The following COL25A1 variants were observed in gnomAD, a reference collection of about 807,000 sequenced individuals.
The protein encoded by COL25A1 is collagen type XXV alpha 1 chain.
In COL25A1, 103 loss-of-function variants were observed where a neutral mutation model predicts 128.4. The ratio of observed to expected loss-of-function variants is 0.80; its 90% CI spans 0.68 to 0.94. COL25A1 has a LOEUF of 0.94. COL25A1 is among the 40% of genes least tolerant of loss of function. The pLI is 0.00. For synonymous variants in COL25A1, 279 were observed against 277.2 expected (o/e 1.01, Z -0.06); for missense variants, 745 against 840.0 (o/e 0.89, Z 1.40).
chr4:109,067,527 C>CA (rs1327531459), intron 3 of COL25A1, among the ~76,000 whole-genome samples: 1 of 152,112 alleles, frequency 6.6e-6, no homozygotes, highest in East Asian at 1.9e-4. Flanking sequence ...ATTTTGGTGC[C>CA]AGACAGGAAC....
intron 3 of COL25A1, among the ~76,000 whole-genome samples, chr4:109,272,323 T>C (rs1482126390): frequency 6.6e-6 from 1 of 152,220 alleles, no homozygotes; most frequent in African/African-American, 2.4e-5. Flanking sequence ...TTCATTGATG[T>C]GTGCCACACT....
At chr4:109,239,412 A>ATT (rs1560914754) in intron 3 of COL25A1, among the ~76,000 whole-genome samples, 1,893 of 134,806 alleles carry the variant, frequency 0.014, 47 homozygotes, top group African/African-American at 0.05. Flanking sequence ...ATATATATAT[A>ATT]TATATATATA....
chr4:108,975,400 G>C (rs1268459938), intron 6 of COL25A1, among the ~76,000 whole-genome samples: 1 of 152,222 alleles, frequency 6.6e-6, no homozygotes, highest in Non-Finnish European at 1.5e-5. Flanking sequence ...AGGTTGAGGT[G>C]AGCTGAGATT....
intron 11 of COL25A1, among the ~76,000 whole-genome samples, chr4:108,929,475 A>G (rs952792040): frequency 2.6e-5 from 4 of 152,166 alleles, no homozygotes; most frequent in African/African-American, 7.2e-5. Context: ...CATGAAAATC[A>G]TCCTTTTAGT....
At chr4:109,273,652 C>A (rs1374811333) in intron 3 of COL25A1, among the ~76,000 whole-genome samples, 1 of 152,056 alleles carries the variant, frequency 6.6e-6, no homozygotes, top group Admixed American at 6.6e-5. Flanking sequence ...TAAAGACCAC[C>A]TTTCTCAGTT....
chr4:108,892,532 C>A (rs1741631867), intron 16 of COL25A1, among the ~76,000 whole-genome samples: 1 of 152,164 alleles, frequency 6.6e-6, no homozygotes, highest in Non-Finnish European at 1.5e-5. Flanking sequence ...TGGGAGATAA[C>A]AGTGAACAAT....
intron 3 of COL25A1, among the ~76,000 whole-genome samples, chr4:109,054,689 C>T (rs1761299775): frequency 6.6e-6 from 1 of 152,112 alleles, no homozygotes; most frequent in Non-Finnish European, 1.5e-5. Flanking sequence ...CCAAAAAATA[C>T]TCTTATTCAG....
chr4:108,938,832 G>A (rs948001255), intron 10 of COL25A1, among the ~76,000 whole-genome samples: 2 of 152,028 alleles, frequency 1.3e-5, no homozygotes, highest in Admixed American at 1.3e-4. Context: ...TCTCCAGCCT[G>A]GGTGACAGAG....
chr4:108,941,365 C>T lies in COL25A1; in HGVS notation c.564+1G>A. 1 of 1,612,672 alleles carries T rather than the reference C, an allele frequency of 6.2e-7. No individual in the cohort carries two copies. Among genetic ancestry groups the T allele is most frequent in the Non-Finnish European group, 8.5e-7 (1 of 1,178,756 alleles). On this transcript the variant is annotated splice_donor_variant, in intron 9 of 37. Coordinates refer to ENST00000399132, the MANE Select transcript of COL25A1 (RefSeq NM_198721.4). LOFTEE classifies it high-confidence loss of function. Reference sequence around the variant, plus strand: ...CAGACTTCAGCAAGAATAAGCACTACCTTAATCAGGCGGCGTTTAATGAGC... The same window carrying T: ...CAGACTTCAGCAAGAATAAGCACTATCTTAATCAGGCGGCGTTTAATGAGC...
intron 3 of COL25A1, among the ~76,000 whole-genome samples, chr4:109,129,028 G>A (rs1768908751): frequency 6.6e-6 from 1 of 152,192 alleles, no homozygotes; most frequent in Non-Finnish European, 1.5e-5. Flanking sequence ...GCCTGGATGT[G>A]AGCATTTTAT....
chr4:109,164,033 T>A (rs1275569942), intron 3 of COL25A1, among the ~76,000 whole-genome samples: 1 of 152,264 alleles, frequency 6.6e-6, no homozygotes, highest in South Asian at 2.1e-4. Flanking sequence ...CTGAAAATTA[T>A]GAATTACAAG....
chr4:108,911,095 T>C (rs1744162292), intron 13 of COL25A1, among the ~76,000 whole-genome samples: 1 of 152,190 alleles, frequency 6.6e-6, no homozygotes, highest in Admixed American at 6.5e-5. Context: ...TCAAGAGACC[T>C]AATGATACAA....
chr4:108,933,871 C>CACAT (rs899124263), intron 11 of COL25A1, among the ~76,000 whole-genome samples: 2 of 151,694 alleles, frequency 1.3e-5, no homozygotes, highest in East Asian at 3.9e-4. Context: ...CACACACACA[C>CACAT]ACACACAATG....
chr4:109,215,033 C>A (rs1224704957), intron 3 of COL25A1, among the ~76,000 whole-genome samples: 2 of 152,086 alleles, frequency 1.3e-5, no homozygotes, highest in African/African-American at 4.8e-5. Flanking sequence ...TTTTGATGAA[C>A]ATTTATCTCA....
chr4:109,265,862 A>AT (rs1781759267), intron 3 of COL25A1, among the ~76,000 whole-genome samples: 1 of 152,158 alleles, frequency 6.6e-6, no homozygotes, highest in African/African-American at 2.4e-5. Flanking sequence ...ACTGGTGTAC[A>AT]TTTTTTAAGC....
chr4:108,971,323 C>G (rs890726693), intron 8 of COL25A1, among the ~76,000 whole-genome samples: 2 of 151,962 alleles, frequency 1.3e-5, no homozygotes, highest in African/African-American at 4.8e-5. Context: ...GGGGTATGAA[C>G]AAGACAGAGA....
rs954527514 is a variant in COL25A1, at chr4:109,273,058, C to T, written c.367+27525G>A. ...CAATATATGCCCCATGAAAAATCAA[C>T]TGGGGAAGGGAGGATGGGAAAGGGG... On this transcript the variant is annotated intron_variant, in intron 3 of 37. Transcript: ENST00000399132. Among the ~76,000 whole-genome samples the T allele has an allele frequency of 2.4e-4, 36 of 152,080 alleles. No individual in the cohort carries two copies. The East Asian group carries it at 3.5e-3, about 15-fold the overall frequency.
At chr4:109,269,066 A>G (rs1015814695) in intron 3 of COL25A1, among the ~76,000 whole-genome samples, 7 of 140,496 alleles carry the variant, frequency 5.0e-5, no homozygotes, top group Middle Eastern at 3.5e-3. Context: ...ATATCTCCCA[A>G]TGCTATCCCT....
intron 8 of COL25A1, among the ~76,000 whole-genome samples, chr4:108,960,318 G>A (rs557050877): frequency 1.3e-5 from 2 of 152,036 alleles, no homozygotes; most frequent in African/African-American, 4.8e-5. Flanking sequence ...TTTAAAAAAC[G>A]AAGATATACC....
Sources: gnomAD v4.1 joint callset for allele counts (sites outside exome capture counted in the v4.1 genomes callset) on GRCh38, gnomAD v4.1.1 for gene constraint, MANE v1.5 for transcripts, NCBI Gene and HGNC (gene_info 2026-07-23, HGNC 2026-07-21) for gene names.